Variants in KLF3 observed in about 807,000 individuals in gnomAD.
KLF3 encodes the protein KLF transcription factor 3.
In KLF3, 6 loss-of-function variants were observed where a neutral mutation model predicts 32.7. The observed-to-expected ratio is 0.18, with a 90% CI of 0.10 to 0.36. The LOEUF (loss-of-function observed/expected upper bound fraction) is 0.36, where lower values mean the gene tolerates loss of function less well. KLF3 is among the 10% of genes least tolerant of loss of function. KLF3 has a pLI of 1.00. For missense variants in KLF3, 338 were observed against 449.7 expected (o/e 0.75, Z 2.25); for synonymous variants, 145 against 172.8 (o/e 0.84, Z 1.26).
At position 38,697,863 on chromosome 4, in the gene KLF3, T is replaced by G. The variant is rs1723094634; in HGVS notation, c.*600T>G. On this transcript the variant is annotated 3_prime_UTR_variant, in exon 6 of 6. Transcript: ENST00000261438. ...CTTTGCCCTCCTTTGTGCCTGCAGC[T>G]CATATGGAGGTCTTTGCCACCAATG... 2 of 152,258 alleles carry G rather than the reference T, an allele frequency of 1.3e-5. No individual in the cohort carries two copies. Among genetic ancestry groups the G allele is most frequent in the South Asian group, 4.1e-4 (2 of 4,824 alleles). 9.4% of individuals were successfully genotyped at this position (152,258 alleles called of 1,614,324 possible).
intron 1 of KLF3, among the ~76,000 whole-genome samples, chr4:38,679,455 A>G (rs984015957): frequency 1.3e-5 from 2 of 152,224 alleles, no homozygotes; most frequent in Non-Finnish European, 2.9e-5. Flanking sequence ...AATGAAAATA[A>G]TAGTTCGTCT....
intron 4 of KLF3, among the ~76,000 whole-genome samples, chr4:38,694,372 T>G (rs1287795435): frequency 6.6e-6 from 1 of 152,136 alleles, no homozygotes; most frequent in Non-Finnish European, 1.5e-5. Context: ...AGGCAGAAGT[T>G]GACTGAGGAA....
In KLF3 at chr4:38,672,846, G is replaced by T. The variant is rs148344685; in HGVS notation, c.-39-7741G>T. ...GCAATGCAGGTGGGAGGCGCTGAGG[G>T]CCTGGCCCCCAAGGCAGGAGGGGAG... On this transcript the variant is annotated intron_variant, in intron 1 of 5. Coordinates refer to ENST00000261438, the MANE Select transcript of KLF3 (RefSeq NM_016531.6). 2.6e-4 allele frequency among the ~76,000 whole-genome samples: 40 copies of T among 152,242 alleles called. No homozygotes were observed. In the East Asian group the frequency reaches 5.6e-3, roughly 21 times the overall value.
intron 1 of KLF3, among the ~76,000 whole-genome samples, chr4:38,667,069 G>A (rs906573623): frequency 5.9e-5 from 9 of 151,620 alleles, no homozygotes; most frequent in African/African-American, 2.2e-4. Context: ...TTTACTGTAT[G>A]TGGCAGCTCT....
At chr4:38,690,014 T>G in intron 4 of KLF3, 135 bp downstream of exon 4, 2 of 744,452 alleles carry the variant, frequency 2.7e-6, no homozygotes, top group South Asian at 4.5e-5. Context: ...CCGCCACTGG[T>G]CCAGTACCAC....
chr4:38,664,568 G>C (rs1721937928), intron 1 of KLF3, 107 bp downstream of exon 1: 2 of 151,734 alleles, frequency 1.3e-5, no homozygotes, highest in African/African-American at 4.8e-5. Flanking sequence ...CGGGGAATGG[G>C]TCGGGGGTGC....
chr4:38,673,117 T>C (rs750169969), intron 1 of KLF3, among the ~76,000 whole-genome samples: 3 of 152,254 alleles, frequency 2.0e-5, no homozygotes, highest in Non-Finnish European at 4.4e-5. Context: ...AGTGGCTCTC[T>C]GGGAGGAACT....
intron 1 of KLF3, 103 bp downstream of exon 1, chr4:38,664,564 AT>A (rs1235653480): frequency 6.8e-6 from 1 of 147,474 alleles, no homozygotes; most frequent in Non-Finnish European, 1.5e-5. Flanking sequence ...GCCGCGGGGA[AT>A]GGGTCGGGGG....
chr4:38,672,487 G>T (rs1722227232), intron 1 of KLF3, among the ~76,000 whole-genome samples: 1 of 152,184 alleles, frequency 6.6e-6, no homozygotes, highest in Admixed American at 6.5e-5. Flanking sequence ...GCCTTGAGCT[G>T]GTCTTTGAAG....
At position 38,698,678 on chromosome 4, in the gene KLF3, T is replaced by A. The variant is rs1343725160; in HGVS notation, c.*1415T>A. On this transcript the variant is annotated 3_prime_UTR_variant, in exon 6 of 6. Coordinates refer to ENST00000261438, the MANE Select transcript of KLF3 (RefSeq NM_016531.6). Reference sequence around the variant, plus strand: ...ACAAACTGAAAATAATGGCTCGTGTTTATGTTGAAGATAAATAGCACCATT... The same window carrying A: ...ACAAACTGAAAATAATGGCTCGTGTATATGTTGAAGATAAATAGCACCATT... The A allele has an allele frequency of 6.6e-6, 1 of 152,238 alleles. No individual in the cohort carries two copies. Among genetic ancestry groups the A allele is most frequent in the South Asian group, 2.1e-4 (1 of 4,824 alleles). 9.4% of individuals were successfully genotyped at this position (152,238 alleles called of 1,614,324 possible). A position where few individuals can be genotyped will look rare whatever the true frequency, so the allele number is the denominator to read the frequency against.
intron 4 of KLF3, 107 bp downstream of exon 4, chr4:38,689,986 A>G (rs1385139384): frequency 8.7e-7 from 1 of 1,147,892 alleles, no homozygotes; most frequent in Non-Finnish European, 1.2e-6. Flanking sequence ...ATGACCAGGA[A>G]CGGCTTGTGA....
intron 1 of KLF3, among the ~76,000 whole-genome samples, chr4:38,675,095 T>C (rs1171785783): frequency 6.6e-6 from 1 of 152,260 alleles, no homozygotes; most frequent in African/African-American, 2.4e-5. Flanking sequence ...TGTCAATGAT[T>C]CACCAACCCT....
intron 2 of KLF3, among the ~76,000 whole-genome samples, chr4:38,681,838 T>A (rs1462345960): frequency 6.6e-6 from 1 of 152,208 alleles, no homozygotes; most frequent in African/African-American, 2.4e-5. Flanking sequence ...CTCTGGAGGT[T>A]CCTGCCAAAA....
chr4:38,679,536 A>G (rs1722453910), intron 1 of KLF3, among the ~76,000 whole-genome samples: 1 of 152,216 alleles, frequency 6.6e-6, no homozygotes, highest in Non-Finnish European at 1.5e-5. Context: ...CCTACAGAAA[A>G]CTTATCCTAA....
Position 38,688,692 on chromosome 4 carries a change from C to T in KLF3, c.165C>T (p.His55=), listed in dbSNP as rs1308426929. 44 of 1,614,096 alleles carry T rather than the reference C, an allele frequency of 2.7e-5. No homozygotes were observed. Among genetic ancestry groups the T allele is most frequent in the Middle Eastern group, 1.6e-4 (1 of 6,084 alleles). ...KFFQTPEGLS[H]GIQMEPVDLT... The stretch of plus-strand genomic sequence containing the variant: ...TTCAGACCCCAGAAGGTCTGTCGCA[C>T]GGAATACAGATGGAGCCAGTGGACC... Residue 55 remains histidine, a synonymous_variant, in exon 3 of 6, where the codon CAC becomes CAT. Coordinates refer to ENST00000261438, the MANE Select transcript of KLF3 (RefSeq NM_016531.6). This position sits in a 1 kb window ranked among gnomAD's most constrained non-coding sequence, Gnocchi z 4.9.
chr4:38,684,429 A>G (rs1184603036), intron 2 of KLF3, among the ~76,000 whole-genome samples: 1 of 152,128 alleles, frequency 6.6e-6, no homozygotes, highest in African/African-American at 2.4e-5. Flanking sequence ...GCAGTCAATA[A>G]GTAAATGCAC....
intron 1 of KLF3, chr4:38,664,825 C>G (rs981962211): frequency 6.6e-6 from 1 of 152,094 alleles, no homozygotes; most frequent in African/African-American, 2.4e-5. Flanking sequence ...CCCGCCCGCT[C>G]ACGATTCCCT....
intron 1 of KLF3, among the ~76,000 whole-genome samples, chr4:38,667,882 GA>G (rs1722089963): frequency 6.6e-6 from 1 of 152,240 alleles, no homozygotes; most frequent in Non-Finnish European, 1.5e-5. Context: ...GAAATCTTTA[GA>G]AAAATCATTG....
rs1026504285 is a variant in KLF3 at position 38,689,793 on chromosome 4, C to T, written c.609C>T (p.Ile203=). 1.1e-5 allele frequency: 17 copies of T among 1,611,808 alleles called. No individual in the cohort carries two copies. The highest frequency in any genetic ancestry group is 6.7e-5 in the African/African-American group (5 of 74,804). The change falls in exon 4 of 6, where the codon ATC becomes ATT. Residue 203 remains isoleucine, a synonymous_variant. Transcript: ENST00000261438. ...AAAAAATTAAAATAGAACCTGGGATCGAACCACAGAGGACAGATTATTATC... is the reference window on the plus strand; with the variant it reads ...AAAAAATTAAAATAGAACCTGGGATTGAACCACAGAGGACAGATTATTATC... The part of the protein sequence containing the change: ...SQKKIKIEPG[I]EPQRTDYYPE...
Sources: allele counts gnomAD v4.1 joint callset (sites outside exome capture counted in the v4.1 genomes callset), GRCh38; gene constraint gnomAD v4.1.1; non-coding constraint Gnocchi (gnomAD v3.1); transcripts MANE v1.5; gene names NCBI Gene and HGNC (gene_info 2026-07-23, HGNC 2026-07-21).